Variants in SGMS1 observed in about 807,000 individuals in gnomAD.
SGMS1 encodes the protein sphingomyelin synthase 1, also known as phosphatidylcholine:ceramide cholinephosphotransferase 1.
SGMS1 carries 13 observed loss-of-function variants against 46.2 expected under a neutral mutation model. The ratio of observed to expected loss-of-function variants is 0.28; its 90% CI spans 0.18 to 0.45. The LOEUF is 0.45. Among genes scored for constraint, SGMS1 ranks in the 20% least tolerant of loss-of-function variants. SGMS1 has a pLI of 1.00. For synonymous variants in SGMS1, 203 were observed against 187.8 expected (o/e 1.08, Z -0.66); for missense variants, 324 against 519.9 (o/e 0.62, Z 3.66).
chr10:50,473,093 T>TGTTTAACTAAAGTAGTAATAACATGTTTA (rs1837392681), intron 3 of SGMS1, among the ~76,000 whole-genome samples: 3 of 152,268 alleles, frequency 2.0e-5, no homozygotes, highest in South Asian at 2.1e-4. Context: ...ACTACCAACA[T>TGTTTAACTAAAGTAGTAATAACATGTTTA]GTTTAACTAA....
chr10:50,555,040 C>T (rs1380286433), intron 2 of SGMS1, among the ~76,000 whole-genome samples: 1 of 152,182 alleles, frequency 6.6e-6, no homozygotes, highest in Admixed American at 6.5e-5. Context: ...GGAAAGAAGC[C>T]AGAGCCTCCC....
intron 6 of SGMS1, among the ~76,000 whole-genome samples, chr10:50,392,243 G>T (rs1430459941): frequency 2.0e-5 from 3 of 149,588 alleles, no homozygotes; most frequent in African/African-American, 7.4e-5. Context: ...GTACTCAAAA[G>T]ATGGCAAACT....
chr10:50,572,692 G>A (rs1838346682), intron 2 of SGMS1, among the ~76,000 whole-genome samples: 1 of 152,174 alleles, frequency 6.6e-6, no homozygotes, highest in African/African-American at 2.4e-5. Flanking sequence ...ACACTGTACT[G>A]CAAAGATGCT....
intron 2 of SGMS1, among the ~76,000 whole-genome samples, chr10:50,553,382 C>T (rs920193002): frequency 1.3e-5 from 2 of 152,088 alleles, no homozygotes; most frequent in Non-Finnish European, 2.9e-5. Flanking sequence ...CATAGAGTTG[C>T]TCTGTGGGTT....
intron 6 of SGMS1, among the ~76,000 whole-genome samples, chr10:50,394,591 G>T (rs1313977540): frequency 6.6e-6 from 1 of 152,206 alleles, no homozygotes; most frequent in South Asian, 2.1e-4. Context: ...CTGGTGCCAG[G>T]CACCAAGAAA....
chr10:50,537,597 C>T (rs1456852462), intron 2 of SGMS1, among the ~76,000 whole-genome samples: 1 of 149,766 alleles, frequency 6.7e-6, no homozygotes, highest in East Asian at 2.0e-4. Context: ...TTAATGCTAT[C>T]CCTCCCCGCC....
At chr10:50,418,592 C>T (rs2133591219) in intron 6 of SGMS1, 1 of 152,340 alleles carries the variant, frequency 6.6e-6, no homozygotes, top group South Asian at 2.1e-4. Context: ...TTTCTTTACG[C>T]CTTTGACAAC....
At chr10:50,432,663 A>G (rs1849419212) in intron 6 of SGMS1, among the ~76,000 whole-genome samples, 2 of 152,236 alleles carry the variant, frequency 1.3e-5, no homozygotes, top group South Asian at 4.1e-4. Flanking sequence ...CATGACACAA[A>G]TATAAGGAAG....
chr10:50,495,542 A>C (rs1038231359), intron 3 of SGMS1, among the ~76,000 whole-genome samples: 1 of 152,162 alleles, frequency 6.6e-6, no homozygotes, highest in Non-Finnish European at 1.5e-5. Context: ...CCAATATTTA[A>C]ATGTACATAT....
At chr10:50,456,020 T>C (rs182231355) in intron 5 of SGMS1, among the ~76,000 whole-genome samples, 28 of 152,288 alleles carry the variant, frequency 1.8e-4, no homozygotes, top group Non-Finnish European at 3.4e-4. Context: ...CCAGAGGACC[T>C]ATGGTAAATA....
At chr10:50,565,088 A>G (rs1838276385) in intron 2 of SGMS1, among the ~76,000 whole-genome samples, 1 of 152,116 alleles carries the variant, frequency 6.6e-6, no homozygotes, top group Admixed American at 6.5e-5. Context: ...AACTTTTTTT[A>G]TCCTCCAAAC....
chr10:50,483,054 TA>T (rs1238471018), intron 3 of SGMS1, among the ~76,000 whole-genome samples: 7 of 152,106 alleles, frequency 4.6e-5, no homozygotes, highest in African/African-American at 1.7e-4. Context: ...CCCGAATTCA[TA>T]AAAAAACAAG....
intron 5 of SGMS1, among the ~76,000 whole-genome samples, chr10:50,439,281 A>T (rs1476633750): frequency 2.0e-5 from 3 of 152,216 alleles, no homozygotes; most frequent in Admixed American, 6.5e-5. Context: ...CACAGAGTAT[A>T]CAGCTAAAAC....
chr10:50,399,584 C>T (rs1242652671), intron 6 of SGMS1, among the ~76,000 whole-genome samples: 1 of 152,030 alleles, frequency 6.6e-6, no homozygotes, highest in East Asian at 1.9e-4. Flanking sequence ...ACAATGCACA[C>T]AGGAGGATAT....
intron 5 of SGMS1, among the ~76,000 whole-genome samples, chr10:50,453,324 T>A (rs1295568017): frequency 6.6e-6 from 1 of 152,056 alleles, no homozygotes; most frequent in Non-Finnish European, 1.5e-5. Flanking sequence ...AAAAAACTCA[T>A]GTGAATTCAT....
intron 3 of SGMS1, among the ~76,000 whole-genome samples, chr10:50,498,997 A>G (rs1322959466): frequency 6.6e-6 from 1 of 152,158 alleles, no homozygotes; most frequent in African/African-American, 2.4e-5. Flanking sequence ...GTTTTTTAAT[A>G]GTAGCCATCC....
chr10:50,441,575 A>G (rs1849547195), intron 5 of SGMS1, among the ~76,000 whole-genome samples: 1 of 152,250 alleles, frequency 6.6e-6, no homozygotes. Context: ...GTCCAGTCCA[A>G]TAAGGTGTCT....
At chr10:50,563,471 C>T (rs1478967690) in intron 2 of SGMS1, among the ~76,000 whole-genome samples, 1 of 152,082 alleles carries the variant, frequency 6.6e-6, no homozygotes, top group Admixed American at 6.6e-5. Context: ...AGGCCGGGCG[C>T]GGTGGCTCAC....
chr10:50,318,997 TTAAA>T (rs1203406117), intron 8 of SGMS1, among the ~76,000 whole-genome samples: 1 of 152,178 alleles, frequency 6.6e-6, no homozygotes, highest in Non-Finnish European at 1.5e-5. Context: ...TGATAAAATC[TTAAA>T]TAAAGGTCAG....
Sources: gnomAD v4.1 joint callset for allele counts (sites outside exome capture counted in the v4.1 genomes callset) on GRCh38, gnomAD v4.1.1 for gene constraint, MANE v1.5 for transcripts, NCBI Gene and HGNC (gene_info 2026-07-23, HGNC 2026-07-21) for gene names.